The following HPSE2 variants were observed in gnomAD, a reference collection of about 807,000 sequenced individuals.
HPSE2 encodes inactive heparanase-2.
In HPSE2, 38 loss-of-function variants were observed where a neutral mutation model predicts 60.5. The ratio of observed to expected loss-of-function variants is 0.63; its 90% CI spans 0.48 to 0.82. The LOEUF (loss-of-function observed/expected upper bound fraction) is 0.82, where lower values mean the gene tolerates loss of function less well. HPSE2 is among the 40% of genes least tolerant of loss of function. HPSE2 has a pLI of 0.00. For synonymous variants in HPSE2, 295 were observed against 293.2 expected, an observed-to-expected ratio of 1.01 and a Z score of -0.06; for missense variants, 713 against 740.4, an observed-to-expected ratio of 0.96 and a Z score of 0.43.
chr10:99,120,881 T>C (rs1489611397), intron 3 of HPSE2, among the ~76,000 whole-genome samples: 1 of 152,138 alleles, frequency 6.6e-6, no homozygotes, highest in African/African-American at 2.4e-5. Flanking sequence ...AGTTCAACCA[T>C]TGAGGAAAAC....
intron 2 of HPSE2, among the ~76,000 whole-genome samples, chr10:99,207,807 C>T (rs1260526766): frequency 2.0e-5 from 3 of 151,570 alleles, no homozygotes; most frequent in Admixed American, 2.0e-4. Flanking sequence ...TAATAGCCAC[C>T]CCCCACCTTA....
At chr10:99,291,571 A>G in the HPSE2 span, among the ~76,000 whole-genome samples, 1 of 128,886 alleles carries the variant, frequency 7.8e-6, no homozygotes, top group Non-Finnish European at 1.6e-5. Context: ...TGACAAAGCA[A>G]GACTCCATCT....
intron 3 of HPSE2, among the ~76,000 whole-genome samples, chr10:98,931,822 C>G (rs1170311981): frequency 7.0e-6 from 1 of 143,836 alleles, no homozygotes; most frequent in Non-Finnish European, 1.5e-5. Flanking sequence ...GATTTTATAT[C>G]CTGAGACTTT....
At chr10:98,705,750 A>C (rs921935212) in intron 5 of HPSE2, among the ~76,000 whole-genome samples, 3 of 152,082 alleles carry the variant, frequency 2.0e-5, no homozygotes, top group Non-Finnish European at 4.4e-5. Context: ...CACTGGGTCC[A>C]GTCGCGGGGT....
rs116759980 is a variant in HPSE2, at chr10:98,950,569, G to A, written c.610+193669C>T. On this transcript the variant is annotated intron_variant, in intron 3 of 11. Transcript: ENST00000370552. The stretch of plus-strand genomic sequence containing the variant: ...TGCTATGTTCTCAATATTTCCTAAT[G>A]TCTCTGACCATCTCTGTGGCTGCAC... Among the ~76,000 whole-genome samples, 472 of 152,198 alleles carry A rather than the reference G, an allele frequency of 3.1e-3. 5 individuals are homozygous for A. The highest frequency in any genetic ancestry group is 0.014 in the Middle Eastern group (4 of 294).
chr10:98,688,078 C>T (rs1160138931), intron 6 of HPSE2, among the ~76,000 whole-genome samples: 1 of 151,840 alleles, frequency 6.6e-6, no homozygotes, highest in Non-Finnish European at 1.5e-5. Context: ...CCTAATATGG[C>T]TTTTCGGCTA....
intron 9 of HPSE2, among the ~76,000 whole-genome samples, chr10:98,559,078 C>G (rs1179210868): frequency 2.0e-5 from 3 of 152,168 alleles, no homozygotes; most frequent in Non-Finnish European, 2.9e-5. Flanking sequence ...GTTGGCCAGG[C>G]TGGAGTGCAG....
At chr10:98,936,993 A>C (rs866564008) in intron 3 of HPSE2, among the ~76,000 whole-genome samples, 1 of 140,832 alleles carries the variant, frequency 7.1e-6, no homozygotes, top group African/African-American at 3.0e-5. Context: ...AAAAAAAAAA[A>C]AAAAAAAAAA....
At chr10:99,236,544 A>C (rs149610527), upstream of HPSE2, among the ~76,000 whole-genome samples, 175 of 152,190 alleles carry the variant, frequency 1.1e-3, no homozygotes, top group African/African-American at 4.0e-3. Context: ...CAAAGCATAG[A>C]GCCCTGAAGG....
intron 3 of HPSE2, among the ~76,000 whole-genome samples, chr10:98,814,419 T>C (rs894520435): frequency 6.6e-6 from 1 of 152,204 alleles, no homozygotes; most frequent in Non-Finnish European, 1.5e-5. Context: ...AATGACTACA[T>C]AAATTTTTAT....
At chr10:99,062,223 T>A (rs1422404634) in intron 3 of HPSE2, among the ~76,000 whole-genome samples, 1 of 152,174 alleles carries the variant, frequency 6.6e-6, no homozygotes, top group Non-Finnish European at 1.5e-5. Flanking sequence ...CTCACACAAG[T>A]CTTACCTTGC....
chr10:98,628,544 C>T (rs1020140350), intron 7 of HPSE2, among the ~76,000 whole-genome samples: 4 of 152,104 alleles, frequency 2.6e-5, no homozygotes, highest in Admixed American at 1.3e-4. Context: ...GTAAGACGTA[C>T]AAATGCTGAA....
In HPSE2 at chr10:98,941,134, T is replaced by A. The variant is rs1252603926; in HGVS notation, c.611-197078A>T. Among the ~76,000 whole-genome samples, 4 of 142,160 alleles carry A rather than the reference T, an allele frequency of 2.8e-5. 1 individual carries two copies. Among genetic ancestry groups the A allele is most frequent in the African/African-American group, 1.2e-4 (4 of 34,460 alleles). 93.3% of individuals were successfully genotyped at this position (142,160 alleles called of 152,430 possible). On this transcript the variant is annotated intron_variant, in intron 3 of 11. Transcript: ENST00000370552. Reference sequence around the variant, plus strand: ...AACCCACAGCCAGTATCATCCTGAATGGGCAAAAACTGGAAGCAATCCCTT... The same window carrying A: ...AACCCACAGCCAGTATCATCCTGAAAGGGCAAAAACTGGAAGCAATCCCTT...
chr10:99,195,199 A>T (rs1848352108), intron 2 of HPSE2, among the ~76,000 whole-genome samples: 1 of 152,160 alleles, frequency 6.6e-6, no homozygotes, highest in African/African-American at 2.4e-5. Flanking sequence ...AAAACCCTCA[A>T]ATAACTAGGT....
chr10:98,741,108 C>A (rs1487490331), intron 4 of HPSE2, among the ~76,000 whole-genome samples: 1 of 151,934 alleles, frequency 6.6e-6, no homozygotes, highest in East Asian at 1.9e-4. Context: ...ATTTATTAAT[C>A]ATTTATTATG....
At chr10:98,897,393 T>C (rs953943437) in intron 3 of HPSE2, among the ~76,000 whole-genome samples, 7 of 151,980 alleles carry the variant, frequency 4.6e-5, no homozygotes. Context: ...GCCAACACAA[T>C]ACTGAAGAAC....
intron 3 of HPSE2, among the ~76,000 whole-genome samples, chr10:98,867,939 G>A (rs1186910831): frequency 6.6e-6 from 1 of 152,056 alleles, no homozygotes; most frequent in Non-Finnish European, 1.5e-5. Flanking sequence ...GCAGATGCCT[G>A]TAATCCCAGG....
At chr10:98,597,977 A>C (rs1945292312) in intron 9 of HPSE2, among the ~76,000 whole-genome samples, 3 of 113,878 alleles carry the variant, frequency 2.6e-5, no homozygotes, top group Admixed American at 2.6e-4. Context: ...TCTCAAAAAA[A>C]AAAAAAAAAA....
At chr10:98,993,766 T>G (rs547663225) in intron 3 of HPSE2, among the ~76,000 whole-genome samples, 1 of 152,228 alleles carries the variant, frequency 6.6e-6, no homozygotes, top group Non-Finnish European at 1.5e-5. Flanking sequence ...CTGTATAAAT[T>G]TTTTCCTGAA....
Sources: allele counts gnomAD v4.1 joint callset (sites outside exome capture counted in the v4.1 genomes callset), GRCh38; gene constraint gnomAD v4.1.1; transcripts MANE v1.5; gene names NCBI Gene and HGNC (gene_info 2026-07-23, HGNC 2026-07-21).